The following MED13 variants were observed in gnomAD, a reference collection of about 807,000 sequenced individuals.
MED13 encodes mediator of RNA polymerase II transcription subunit 13.
A neutral mutation model predicts 225.2 loss-of-function variants in MED13; 23 were observed. The ratio of observed to expected loss-of-function variants is 0.10; its 90% CI spans 0.07 to 0.14. MED13 has a LOEUF of 0.14. Ranked by LOEUF, MED13 falls within the 10% of genes least tolerant of loss-of-function variation. The probability of loss-of-function intolerance (pLI) is 1.00; values close to 1 mark genes in which losing one functional copy is unlikely to be tolerated. For missense variants in MED13, 2,197 were observed against 2,594.5 expected, an observed-to-expected ratio of 0.85 and a Z score of 3.33; for synonymous variants, 942 against 889.2, an observed-to-expected ratio of 1.06 and a Z score of -1.06.
chr17:62,052,746 T>TA, intron 2 of MED13, 41 bp from the exon 3 acceptor site: 1 of 1,465,016 alleles, frequency 6.8e-7, no homozygotes, highest in South Asian at 1.4e-5. Flanking sequence ...AGTGACACTA[T>TA]AATCTATTCA....
chr17:62,003,398 G>C (rs2143552266), intron 9 of MED13, among the ~76,000 whole-genome samples: 1 of 152,128 alleles, frequency 6.6e-6, no homozygotes, highest in South Asian at 2.1e-4. Context: ...CTGAGGTCAG[G>C]AGTTCGAGAC....
At chr17:62,060,480 C>T (rs551108334) in intron 2 of MED13, among the ~76,000 whole-genome samples, 3 of 151,336 alleles carry the variant, frequency 2.0e-5, no homozygotes, top group African/African-American at 7.3e-5. Flanking sequence ...ATTAGCCGGG[C>T]GTGGTGGTGG....
chr17:62,005,779 T>C (rs899056464), intron 9 of MED13: 4 of 152,238 alleles, frequency 2.6e-5, no homozygotes, highest in African/African-American at 7.2e-5. Context: ...GTACAGTGGC[T>C]ATTCACAGGT....
chr17:62,060,847 G>A (rs569788136), intron 2 of MED13, among the ~76,000 whole-genome samples: 29 of 151,772 alleles, frequency 1.9e-4, no homozygotes, highest in African/African-American at 6.5e-4. Flanking sequence ...CTACAGGTGC[G>A]TGCCACCATG....
chr17:61,957,033 A>T (rs1320819483), intron 23 of MED13, among the ~76,000 whole-genome samples: 1 of 152,120 alleles, frequency 6.6e-6, no homozygotes, highest in Non-Finnish European at 1.5e-5. Flanking sequence ...TTCATCAGCA[A>T]TACTGCTCTA....
In MED13 at chr17:61,982,410, T is replaced by C. The variant is rs764465757; in HGVS notation, c.3593A>G (p.Asn1198Ser). The C allele has an allele frequency of 6.2e-7, 1 of 1,614,102 alleles. No homozygotes were observed. Among genetic ancestry groups the C allele is most frequent in the Non-Finnish European group, 8.5e-7 (1 of 1,180,042 alleles). Reference sequence around the variant, plus strand: ...TGCTGCTCCAAAGGGTGAAAATAAATTAGTGCACTGATCTTGTAGCAATAA... The same window carrying C: ...TGCTGCTCCAAAGGGTGAAAATAAACTAGTGCACTGATCTTGTAGCAATAA... The part of the protein sequence containing the change: ...LILLLQDQCT[N>S]LFSPFGAADQ... Residue 1198 changes from asparagine to serine, a missense_variant, in exon 16 of 30, where the codon AAT becomes AGT. Physicochemically the swap from Asn to Ser is conservative, Grantham distance 46. Coordinates refer to ENST00000397786, the MANE Select transcript of MED13 (RefSeq NM_005121.3).
rs751911171 is a variant in MED13, at chr17:61,982,179, T to C, written c.3805+19A>G. The stretch of plus-strand genomic sequence containing the variant: ...AGGGAAATAAGCAAACAAAAAAGTA[T>C]TTTATTGGCATACTTTACCGTTTCT... On this transcript the variant is annotated intron_variant, in intron 16 of 29. Coordinates refer to ENST00000397786, the MANE Select transcript of MED13 (RefSeq NM_005121.3). 5.1e-6 allele frequency: 8 copies of C among 1,574,422 alleles called. No homozygotes were observed. The highest frequency in any genetic ancestry group is 1.2e-5 in the South Asian group (1 of 85,090).
chr17:61,988,921 C>T (rs2080271119), intron 11 of MED13, among the ~76,000 whole-genome samples: 1 of 152,018 alleles, frequency 6.6e-6, no homozygotes, highest in Non-Finnish European at 1.5e-5. Context: ...ACTTATTCCT[C>T]CCAACTGAAA....
At chr17:62,016,182 A>AG (rs2143617881) in intron 8 of MED13, among the ~76,000 whole-genome samples, 1 of 149,074 alleles carries the variant, frequency 6.7e-6, no homozygotes, top group East Asian at 2.0e-4. Flanking sequence ...CAACAACAAA[A>AG]AAAAAAACCC....
intron 11 of MED13, among the ~76,000 whole-genome samples, chr17:61,990,248 C>A (rs1455373334): frequency 6.6e-6 from 1 of 152,018 alleles, no homozygotes; most frequent in Non-Finnish European, 1.5e-5. Context: ...TAAGGTAATG[C>A]ATATGTTAAA....
intron 8 of MED13, among the ~76,000 whole-genome samples, chr17:62,026,945 A>G (rs963445312): frequency 2.6e-5 from 4 of 152,208 alleles, no homozygotes; most frequent in Admixed American, 6.5e-5. Context: ...AGATGATGCA[A>G]AAAAACAGAA....
chr17:62,027,623 T>C (rs546556419), intron 8 of MED13, among the ~76,000 whole-genome samples: 1 of 152,136 alleles, frequency 6.6e-6, no homozygotes, highest in East Asian at 1.9e-4. Context: ...GCCACAGAAA[T>C]TATCAACAGA....
chr17:61,984,517 T>G (rs1176053657), intron 14 of MED13, 134 bp downstream of exon 14: 26 of 942,266 alleles, frequency 2.8e-5, no homozygotes, highest in Non-Finnish European at 3.6e-5. Context: ...TTCTTAATAG[T>G]GACAACAATA....
At chr17:62,015,954 A>AT (rs869061252) in intron 8 of MED13, among the ~76,000 whole-genome samples, 5 of 12,904 alleles carry the variant, frequency 3.9e-4, no homozygotes, top group Non-Finnish European at 4.5e-4. Context: ...ATATATATAT[A>AT]TTTTTTTTTT....
intron 3 of MED13, 136 bp from the exon 4 acceptor site, chr17:62,035,744 A>G: frequency 4.1e-6 from 3 of 728,940 alleles, no homozygotes; most frequent in Non-Finnish European, 6.5e-6. Flanking sequence ...AAGAAAAAAA[A>G]TCATGGATAT....
In MED13 at chr17:61,953,124, G is replaced by A; in HGVS notation, c.5969-11C>T. ...TTCCATCTGCTCCATCTAAACAGGAGAAAGAAAAGAAATTTAAAACTCCAT... is the reference window on the plus strand; with the variant it reads ...TTCCATCTGCTCCATCTAAACAGGAAAAAGAAAAGAAATTTAAAACTCCAT... On this transcript the variant is annotated splice_polypyrimidine_tract_variant and intron_variant, in intron 26 of 29. Transcript: ENST00000397786. 6.2e-7 allele frequency: 1 copy of A among 1,603,198 alleles called. No homozygotes were observed. The highest frequency in any genetic ancestry group is 1.3e-5 in the African/African-American group (1 of 74,334).
At chr17:61,952,487 G>T (rs1005813574) in intron 27 of MED13, among the ~76,000 whole-genome samples, 16 of 152,080 alleles carry the variant, frequency 1.1e-4, no homozygotes, top group African/African-American at 3.4e-4. Flanking sequence ...ACAAAAAAAT[G>T]ACTAATGCCA....
In MED13 at chr17:62,034,097, A is replaced by G; in HGVS notation, c.617-113T>C. 3 of 819,524 alleles carry G rather than the reference A, an allele frequency of 3.7e-6. No homozygotes were observed. The Admixed American group carries it at 8.5e-5, about 23-fold the overall frequency. 50.8% of individuals were successfully genotyped at this position (819,524 alleles called of 1,614,324 possible). A position where few individuals can be genotyped will look rare whatever the true frequency, so the allele number is the denominator to read the frequency against. Reference sequence around the variant, plus strand: ...CAATTATAAAAAAGAAAAGGAAACCAGTAATAACCATTCCAGAGAAAAATC... The same window carrying G: ...CAATTATAAAAAAGAAAAGGAAACCGGTAATAACCATTCCAGAGAAAAATC... On this transcript the variant is annotated intron_variant, in intron 4 of 29. Transcript: ENST00000397786.
chr17:61,993,429 T>C (rs1457724400), intron 10 of MED13, among the ~76,000 whole-genome samples: 1 of 149,366 alleles, frequency 6.7e-6, no homozygotes, highest in Non-Finnish European at 1.5e-5. Flanking sequence ...CTCGCTCTCC[T>C]GATCTCAGGT....
Sources: gnomAD v4.1 joint callset for allele counts (sites outside exome capture counted in the v4.1 genomes callset) on GRCh38, gnomAD v4.1.1 for gene constraint, MANE v1.5 for transcripts, NCBI Gene and HGNC (gene_info 2026-07-23, HGNC 2026-07-21) for gene names.